The following CCSER1 variants were observed in gnomAD, a reference collection of about 807,000 sequenced individuals.
CCSER1 encodes coiled-coil serine rich protein 1, also known as serine-rich coiled-coil domain-containing protein 1.
A neutral mutation model predicts 82.0 loss-of-function variants in CCSER1; 41 were observed. The ratio of observed to expected loss-of-function variants is 0.50; its 90% CI spans 0.39 to 0.65. The LOEUF is 0.65. Ranked by LOEUF, CCSER1 falls within the 30% of genes least tolerant of loss-of-function variation. The probability of loss-of-function intolerance (pLI) is 0.00; values close to 1 mark genes in which losing one functional copy is unlikely to be tolerated. For synonymous variants in CCSER1, 414 were observed against 383.9 expected, an observed-to-expected ratio of 1.08 and a Z score of -0.92; for missense variants, 1,119 against 1,064.2, an observed-to-expected ratio of 1.05 and a Z score of -0.72.
intron 5 of CCSER1, among the ~76,000 whole-genome samples, chr4:90,559,951 C>CA (rs983818678): frequency 1.6e-3 from 215 of 137,662 alleles, no homozygotes; most frequent in East Asian, 2.8e-3. Flanking sequence ...GAACCTTTCT[C>CA]AAAAAAAAAA....
intron 10 of CCSER1, among the ~76,000 whole-genome samples, chr4:91,406,609 G>A (rs1752718946): frequency 6.6e-6 from 1 of 152,158 alleles, no homozygotes; most frequent in South Asian, 2.1e-4. Flanking sequence ...CGCATGTTAT[G>A]TAAGAATGTG....
At chr4:90,347,898 T>G (rs1579312675) in intron 3 of CCSER1, among the ~76,000 whole-genome samples, 1 of 152,316 alleles carries the variant, frequency 6.6e-6, no homozygotes, top group East Asian at 1.9e-4. Flanking sequence ...CCACTGGCTC[T>G]GATATCCCAG....
chr4:90,923,556 G>A (rs1001865684), intron 9 of CCSER1, 109 bp downstream of exon 9: 1 of 718,700 alleles, frequency 1.4e-6, no homozygotes, highest in South Asian at 1.7e-5. Flanking sequence ...ACAGGATTTA[G>A]CGGTGCACCA....
chr4:90,297,978 G>C (rs1732316528), intron 1 of CCSER1, among the ~76,000 whole-genome samples: 2 of 152,124 alleles, frequency 1.3e-5, no homozygotes, highest in Non-Finnish European at 2.9e-5. Flanking sequence ...GTCTCTGCCA[G>C]GCTTTGGTGT....
At chr4:90,784,972 G>A (rs1298553517) in intron 7 of CCSER1, among the ~76,000 whole-genome samples, 1 of 152,120 alleles carries the variant, frequency 6.6e-6, no homozygotes, top group Non-Finnish European at 1.5e-5. Flanking sequence ...GGCTGAGGAG[G>A]AACAGGAAGA....
At chr4:91,024,560 C>T (rs976206002) in intron 9 of CCSER1, among the ~76,000 whole-genome samples, 1 of 151,964 alleles carries the variant, frequency 6.6e-6, no homozygotes, top group Non-Finnish European at 1.5e-5. Context: ...CCTTCATTAA[C>T]TGGTGCCAAC....
intron 10 of CCSER1, among the ~76,000 whole-genome samples, chr4:91,304,157 T>C (rs1483220146): frequency 6.6e-6 from 1 of 152,012 alleles, no homozygotes; most frequent in Non-Finnish European, 1.5e-5. Context: ...ATCCTTAATG[T>C]TCTAAAAAAC....
Position 91,368,674 on chromosome 4 carries a change from C to T in CCSER1, c.2218-229898C>T, listed in dbSNP as rs536457339. Among the ~76,000 whole-genome samples the T allele has an allele frequency of 8.5e-5, 13 of 152,194 alleles. No homozygotes were observed. In the Middle Eastern group the frequency reaches 0.01, roughly 119 times the overall value. On this transcript the variant is annotated intron_variant, in intron 10 of 10. Coordinates refer to ENST00000509176, the MANE Select transcript of CCSER1 (RefSeq NM_001145065.2). ...TTGCCATACAATTTTATGGATCAAA[C>T]ATTTATAATTAACACATTTTAGTTT...
chr4:90,697,240 C>T (rs1291023378), intron 6 of CCSER1, among the ~76,000 whole-genome samples: 1 of 152,096 alleles, frequency 6.6e-6, no homozygotes, highest in Non-Finnish European at 1.5e-5. Flanking sequence ...AGTGAATTCC[C>T]AAATGAGAAT....
At chr4:90,760,737 G>A (rs1338727578) in intron 7 of CCSER1, among the ~76,000 whole-genome samples, 1 of 151,984 alleles carries the variant, frequency 6.6e-6, no homozygotes, top group African/African-American at 2.4e-5. Context: ...TTCTTGTTAT[G>A]GGACTACAGG....
At chr4:90,687,376 T>C (rs1735008915) in intron 6 of CCSER1, among the ~76,000 whole-genome samples, 2 of 152,148 alleles carry the variant, frequency 1.3e-5, no homozygotes, top group Admixed American at 6.6e-5. Context: ...GCATGTTGCT[T>C]GCTGAGGTTT....
At chr4:90,409,394 C>T (rs1578327735) in intron 4 of CCSER1, among the ~76,000 whole-genome samples, 2 of 152,158 alleles carry the variant, frequency 1.3e-5, no homozygotes, top group East Asian at 3.8e-4. Flanking sequence ...GGTCGGGTTA[C>T]CCACAAAGGG....
intron 5 of CCSER1, among the ~76,000 whole-genome samples, chr4:90,575,560 G>A (rs1780641216): frequency 6.6e-6 from 1 of 152,220 alleles, no homozygotes; most frequent in African/African-American, 2.4e-5. Flanking sequence ...CATGCTGTTA[G>A]CATGTGGAAT....
intron 3 of CCSER1, among the ~76,000 whole-genome samples, chr4:90,357,242 T>A (rs571436417): frequency 6.6e-5 from 10 of 152,066 alleles, no homozygotes; most frequent in Non-Finnish European, 1.0e-4. Flanking sequence ...TAGTTCCCCA[T>A]AGCAGGTATA....
At chr4:91,080,620 A>G (rs534971886) in intron 9 of CCSER1, among the ~76,000 whole-genome samples, 295 of 152,296 alleles carry the variant, frequency 1.9e-3, no homozygotes, top group African/African-American at 6.7e-3. Context: ...AAATCAATGA[A>G]TCCTGGAGCT....
intron 8 of CCSER1, among the ~76,000 whole-genome samples, chr4:90,869,288 T>C (rs10004104): frequency 0.42 from 64,237 of 151,818 alleles, 14,295 homozygotes; most frequent in African/African-American, 0.55. Flanking sequence ...ACCAAAGTCC[T>C]AGAGAGTTTC....
At chr4:91,166,194 T>C (rs943677586) in intron 10 of CCSER1, among the ~76,000 whole-genome samples, 1 of 152,230 alleles carries the variant, frequency 6.6e-6, no homozygotes, top group Non-Finnish European at 1.5e-5. Flanking sequence ...ATCTAATTGA[T>C]AAATGATATT....
At chr4:90,582,198 C>T (rs1407647012) in intron 5 of CCSER1, among the ~76,000 whole-genome samples, 2 of 151,998 alleles carry the variant, frequency 1.3e-5, no homozygotes, top group South Asian at 2.1e-4. Context: ...TCTGATCAAA[C>T]TTGTATTGTG....
intron 1 of CCSER1, among the ~76,000 whole-genome samples, chr4:90,303,030 G>A (rs1278777298): frequency 6.6e-6 from 1 of 152,014 alleles, no homozygotes; most frequent in Non-Finnish European, 1.5e-5. Flanking sequence ...AAACTCTCAA[G>A]GGAAATACAA....
Sources: gnomAD v4.1 joint callset for allele counts (sites outside exome capture counted in the v4.1 genomes callset) on GRCh38, gnomAD v4.1.1 for gene constraint, MANE v1.5 for transcripts, NCBI Gene and HGNC (gene_info 2026-07-23, HGNC 2026-07-21) for gene names.